The following MYH14 variants were observed in gnomAD, a reference collection of about 807,000 sequenced individuals.
MYH14 encodes the protein myosin heavy chain 14.
A neutral mutation model predicts 255.5 loss-of-function variants in MYH14; 123 were observed. The ratio of observed to expected loss-of-function variants is 0.48; its 90% CI spans 0.42 to 0.56. The LOEUF is 0.56. MYH14 is among the 20% of genes least tolerant of loss of function. MYH14 has a pLI of 0.00. For missense variants in MYH14, 2,423 were observed against 2,802.3 expected (o/e 0.86, Z 3.06); for synonymous variants, 1,095 against 1,161.2 (o/e 0.94, Z 1.16).
At chr19:50,286,794 A>G (rs2035907082) in intron 34 of MYH14, 100 bp downstream of exon 34, 2 of 1,163,458 alleles carry the variant, frequency 1.7e-6, no homozygotes, top group Admixed American at 2.1e-5. Flanking sequence ...ACCAGCCATC[A>G]AAGTCATATG....
At chr19:50,208,253 A>G (rs984487456) in intron 1 of MYH14, among the ~76,000 whole-genome samples, 1 of 152,142 alleles carries the variant, frequency 6.6e-6, no homozygotes, top group African/African-American at 2.4e-5. Flanking sequence ...CATCTCTACT[A>G]AAAATACAAA....
rs1380206847 is a variant in MYH14 at position 50,276,105 on chromosome 19, G to A, written c.3582G>A (p.Lys1194=). Reference sequence around the variant, plus strand: ...AGTCTGAGCGTGTGGCCAGGACCAAGGCGGAGAAGCAGCGCCGGGACCTGG... The same window carrying A: ...AGTCTGAGCGTGTGGCCAGGACCAAAGCGGAGAAGCAGCGCCGGGACCTGG... ...DLESERVART[K]AEKQRRDLGE... Residue 1194 remains lysine, a synonymous_variant, in exon 28 of 43, where the codon AAG becomes AAA. Transcript: ENST00000642316. This position sits in a 1 kb window ranked among gnomAD's most constrained non-coding sequence, Gnocchi z 4.3. The A allele has an allele frequency of 6.2e-7, 1 of 1,607,136 alleles. No individual in the cohort carries two copies. The highest frequency in any genetic ancestry group is 8.5e-7 in the Non-Finnish European group (1 of 1,177,512).
intron 39 of MYH14, among the ~76,000 whole-genome samples, chr19:50,295,649 G>C (rs1218080688): frequency 2.0e-5 from 3 of 151,932 alleles, no homozygotes; most frequent in Non-Finnish European, 4.4e-5. Flanking sequence ...AAATTAGCTG[G>C]GTGTGGTGGT....
rs142753080 is a variant in MYH14, at chr19:50,217,425, T to C, written c.406-190T>C. ...ACCCAGACAGTGCCTTTGTGCAATT[T>C]GGAAAGATTCTTTGCTACCATCAGC... On this transcript the variant is annotated intron_variant, in intron 2 of 42. Coordinates refer to ENST00000642316, the MANE Select transcript of MYH14 (RefSeq NM_001145809.2). 2.1e-3 allele frequency among the ~76,000 whole-genome samples: 322 copies of C among 152,348 alleles called. 2 individuals carry two copies. Among genetic ancestry groups the C allele is most frequent in the African/African-American group, 7.1e-3 (296 of 41,588 alleles).
rs1201219655 is a variant in MYH14 at position 50,272,708 on chromosome 19, G to A, written c.3444G>A (p.Glu1148=). 8.4e-6 allele frequency: 13 copies of A among 1,551,426 alleles called. No homozygotes were observed. Among genetic ancestry groups the A allele is most frequent in the Non-Finnish European group, 1.1e-5 (13 of 1,147,860 alleles). The change falls in exon 27 of 43, where the codon GAG becomes GAA. Residue 1148 remains glutamate, a synonymous_variant. Coordinates refer to ENST00000642316, the MANE Select transcript of MYH14 (RefSeq NM_001145809.2). ...ELRAQLGRKE[E]ELQAALARAE... ...GGGCCCAGCTGGGCCGGAAGGAGGAGGAGCTGCAGGCTGCCCTGGCCAGGT... is the reference window on the plus strand; with the variant it reads ...GGGCCCAGCTGGGCCGGAAGGAGGAAGAGCTGCAGGCTGCCCTGGCCAGGT...
In MYH14 at chr19:50,266,659, T is replaced by C. The variant is rs780080116; in HGVS notation, c.2695-218T>C. The stretch of plus-strand genomic sequence containing the variant: ...GTGTCTCTTGGATGTGGAAGGATCC[T>C]TTAGCCAGAGAGATTAGATAGATCA... On this transcript the variant is annotated intron_variant, in intron 22 of 42. Coordinates refer to ENST00000642316, the MANE Select transcript of MYH14 (RefSeq NM_001145809.2). The surrounding 1 kb of genome is among the most constrained non-coding windows in gnomAD (Gnocchi z 4.1). 6.6e-6 allele frequency among the ~76,000 whole-genome samples: 1 copy of C among 152,222 alleles called. No homozygotes were observed. Among genetic ancestry groups the C allele is most frequent in the African/African-American group, 2.4e-5 (1 of 41,456 alleles).
rs368160641 is a variant in MYH14 at position 50,268,322 on chromosome 19, C to T, written c.2988C>T (p.Ser996=). The change falls in exon 24 of 43, where the codon AGC becomes AGT. Residue 996 remains serine (S), a synonymous_variant. Coordinates refer to ENST00000642316, the MANE Select transcript of MYH14 (RefSeq NM_001145809.2). ...GCGTGGGCGAGGAGGAGGAGTGCAGCCGTCAAATGCAAACCGAGAAGAAGA... is the reference window on the plus strand; with the variant it reads ...GCGTGGGCGAGGAGGAGGAGTGCAGTCGTCAAATGCAAACCGAGAAGAAGA... The part of the protein sequence containing the change: ...EARVGEEEEC[S]RQMQTEKKRL... 39 of 1,587,868 alleles carry T rather than the reference C, an allele frequency of 2.5e-5. No individual in the cohort carries two copies. The highest frequency in any genetic ancestry group is 1.3e-5 in the Non-Finnish European group (15 of 1,168,372).
intron 39 of MYH14, among the ~76,000 whole-genome samples, chr19:50,298,149 A>T (rs1342063361): frequency 3.9e-5 from 6 of 152,152 alleles, no homozygotes; most frequent in Non-Finnish European, 5.9e-5. Flanking sequence ...GTGATTGGAC[A>T]AAAAGGGTCC....
chr19:50,301,272 G>A (rs962328722), intron 39 of MYH14, among the ~76,000 whole-genome samples: 3 of 152,144 alleles, frequency 2.0e-5, no homozygotes, highest in Non-Finnish European at 4.4e-5. Flanking sequence ...TGAAGGGTGA[G>A]ACCCAGATGT....
chr19:50,301,567 A>G (rs2036481530), intron 39 of MYH14, 94 bp from the exon 40 acceptor site: 1 of 841,526 alleles, frequency 1.2e-6, no homozygotes, highest in Admixed American at 2.0e-5. Flanking sequence ...TGTGACAATC[A>G]TCAGTGCACT....
At position 50,210,576 on chromosome 19, in the gene MYH14, C is replaced by G; in HGVS notation, c.211C>G (p.Arg71Gly). Reference protein sequence around the residue: ...ELHGFEAAALRDEGEEEAEVE... With the variant: ...ELHGFEAAALGDEGEEEAEVE... ...TCACGGGTTCGAGGCGGCGGCGCTG[C>G]GGGACGAAGGCGAGGAGGAGGCGGA... The change falls in exon 2 of 43, where the codon CGG becomes GGG. Residue 71 changes from arginine (R) to glycine (G), a missense_variant. Physicochemically the swap from Arg to Gly is moderately radical, Grantham distance 125. Coordinates refer to ENST00000642316, the MANE Select transcript of MYH14 (RefSeq NM_001145809.2). The G allele has an allele frequency of 6.3e-7, 1 of 1,577,652 alleles. No homozygotes were observed. Among genetic ancestry groups the G allele is most frequent in the Non-Finnish European group, 8.6e-7 (1 of 1,162,848 alleles).
At chr19:50,217,081 T>C (rs1467173157) in intron 2 of MYH14, among the ~76,000 whole-genome samples, 4 of 152,050 alleles carry the variant, frequency 2.6e-5, no homozygotes, top group African/African-American at 9.7e-5. Flanking sequence ...AGTGCTGGGA[T>C]TGCAGGCGTG....
intron 12 of MYH14, 71 bp downstream of exon 12, chr19:50,247,193 A>G (rs2034165367): frequency 6.4e-6 from 7 of 1,088,220 alleles, no homozygotes; most frequent in Non-Finnish European, 9.6e-6. Flanking sequence ...TAAACAGTGT[A>G]TGCTGTTTTT....
At chr19:50,231,193 G>A (rs1401968106) in intron 9 of MYH14, among the ~76,000 whole-genome samples, 3 of 152,192 alleles carry the variant, frequency 2.0e-5, no homozygotes, top group Admixed American at 1.3e-4. Context: ...CCTTCCTCCT[G>A]GTGGCTCAGG....
chr19:50,309,587 T>TCCCCC, intron 42 of MYH14, 53 bp from the exon 43 acceptor site: 1 of 879,150 alleles, frequency 1.1e-6, no homozygotes, highest in Non-Finnish European at 1.7e-6. Context: ...CCCTTTCTCC[T>TCCCCC]CCCCTCCCCT....
chr19:50,271,753 A>G (rs1329035324), intron 25 of MYH14, 96 bp from the exon 26 acceptor site: 2 of 1,555,870 alleles, frequency 1.3e-6, no homozygotes, highest in East Asian at 4.7e-5. Context: ...AGGAGCAGAA[A>G]CATAGATGAG....
At chr19:50,303,055 G>T (rs923612735) in intron 40 of MYH14, among the ~76,000 whole-genome samples, 5 of 152,102 alleles carry the variant, frequency 3.3e-5, no homozygotes, top group Admixed American at 3.3e-4. Flanking sequence ...ACGTAATAAC[G>T]TGCCAGTTAG....
intron 21 of MYH14, among the ~76,000 whole-genome samples, chr19:50,262,484 G>A (rs146977220): frequency 0.034 from 5,208 of 151,480 alleles, 307 homozygotes; most frequent in African/African-American, 0.12. Context: ...ACTGCAGTGA[G>A]CCAAGATCAT....
intron 24 of MYH14, among the ~76,000 whole-genome samples, chr19:50,270,532 A>G (rs1206959835): frequency 1.4e-5 from 2 of 145,064 alleles, no homozygotes; most frequent in African/African-American, 2.5e-5. Context: ...AAAAAAAAAA[A>G]AAAAAGAAAA....
Sources: gnomAD v4.1 joint callset for allele counts (sites outside exome capture counted in the v4.1 genomes callset) on GRCh38, gnomAD v4.1.1 for gene constraint, Gnocchi (gnomAD v3.1) non-coding constraint, MANE v1.5 for transcripts, NCBI Gene and HGNC (gene_info 2026-07-23, HGNC 2026-07-21) for gene names.